The following GTF3C2 variants were observed in gnomAD, a reference collection of about 807,000 sequenced individuals.
GTF3C2 encodes the protein general transcription factor IIIC subunit 2, also known as general transcription factor 3C polypeptide 2.
A neutral mutation model predicts 117.4 loss-of-function variants in GTF3C2; 17 were observed. That is an observed-to-expected ratio of 0.14 (90% CI 0.10 to 0.22). The LOEUF (loss-of-function observed/expected upper bound fraction) is 0.22, where lower values mean the gene tolerates loss of function less well. Ranked by LOEUF, GTF3C2 falls within the 10% of genes least tolerant of loss-of-function variation. The probability of loss-of-function intolerance (pLI) is 1.00; values close to 1 mark genes in which losing one functional copy is unlikely to be tolerated. For synonymous variants in GTF3C2, 437 were observed against 427.0 expected (o/e 1.02, Z -0.29); for missense variants, 888 against 1,143.6 (o/e 0.78, Z 3.22).
At chr2:27,352,919 C>G (rs2148344711) in intron 1 of GTF3C2, among the ~76,000 whole-genome samples, 1 of 152,236 alleles carries the variant, frequency 6.6e-6, no homozygotes, top group Non-Finnish European at 1.5e-5. Flanking sequence ...TAAAATTCCA[C>G]AGTTTTACAA....
intron 4 of GTF3C2, 164 bp from the exon 5 acceptor site, chr2:27,338,184 C>T (rs1261718066): frequency 1.6e-6 from 1 of 614,376 alleles, no homozygotes; most frequent in African/African-American, 1.8e-5. Context: ...ACTATAATGA[C>T]TTCTTCACCT....
intron 10 of GTF3C2, among the ~76,000 whole-genome samples, chr2:27,335,007 A>C (rs1448928731): frequency 6.6e-6 from 1 of 151,910 alleles, no homozygotes; most frequent in Non-Finnish European, 1.5e-5. Context: ...ACCTTCTATT[A>C]CCTCCTCAAC....
chr2:27,335,434 G>A (rs1286743283), intron 10 of GTF3C2, 164 bp downstream of exon 10: 1 of 714,706 alleles, frequency 1.4e-6, no homozygotes, highest in Non-Finnish European at 2.6e-6. Flanking sequence ...AAAAGAGAGA[G>A]GGCTCAAGAA....
chr2:27,342,552 T>G, intron 3 of GTF3C2: 1 of 549,246 alleles, frequency 1.8e-6, no homozygotes, highest in South Asian at 2.4e-5. Flanking sequence ...TATACTGACA[T>G]ATACTGGACA....
At chr2:27,355,319 G>A (rs541001793) in intron 1 of GTF3C2, among the ~76,000 whole-genome samples, 1 of 152,168 alleles carries the variant, frequency 6.6e-6, no homozygotes, top group South Asian at 2.1e-4. Flanking sequence ...TCACAAGTTC[G>A]AGACCAGCCT....
chr2:27,356,274 G>C (rs574486719), intron 1 of GTF3C2: 3 of 410,502 alleles, frequency 7.3e-6, no homozygotes, highest in South Asian at 3.5e-5. Flanking sequence ...GAGCCTCCTC[G>C]AGGAAGAGGC....
At chr2:27,333,554 A>G (rs764308279) in intron 12 of GTF3C2, 101 bp downstream of exon 12, 7 of 694,928 alleles carry the variant, frequency 1.0e-5, no homozygotes, top group African/African-American at 5.4e-5. Flanking sequence ...ATTTCTAACT[A>G]TATGTCCAGT....
chr2:27,341,802 A>G, intron 4 of GTF3C2, 146 bp downstream of exon 4: 1 of 650,824 alleles, frequency 1.5e-6, no homozygotes, highest in East Asian at 2.7e-5. Flanking sequence ...TAATATGCCA[A>G]ATGTTTTGGA....
chr2:27,328,643 C>T lies in GTF3C2; in HGVS notation c.2128-47G>A, dbSNP rs371524776. ...CATTCATTCATATATTCATTCAGAG[C>T]TATGAACTGGTAACAGCTGCACAGT... On this transcript the variant is annotated intron_variant, in intron 15 of 18. Coordinates refer to ENST00000264720, the Ensembl canonical transcript of GTF3C2. 1.1e-5 allele frequency: 17 copies of T among 1,515,714 alleles called. 1 individual carries two copies. The Admixed American group carries it at 1.4e-4, about 12-fold the overall frequency. 93.9% of individuals were successfully genotyped at this position (1,515,714 alleles called of 1,614,324 possible).
chr2:27,346,330 CTTTTTTTTTTTTTTTTTTTT>C (rs144256545), intron 1 of GTF3C2, among the ~76,000 whole-genome samples: 1,530 of 64,326 alleles, frequency 0.024, 35 homozygotes, highest in African/African-American at 0.079. Flanking sequence ...ATTCTGATAC[CTTTTTTTTTTTTTTTTTTTT>C]TTTTTTTTTT....
At chr2:27,353,185 G>C (rs1464031013) in intron 1 of GTF3C2, among the ~76,000 whole-genome samples, 2 of 152,070 alleles carry the variant, frequency 1.3e-5, no homozygotes, top group Non-Finnish European at 2.9e-5. Flanking sequence ...ATGAGGTCAG[G>C]AGATCGAGAC....
chr2:27,329,741 G>A lies in GTF3C2; in HGVS notation c.1733-218C>T, dbSNP rs1680214772. On this transcript the variant is annotated intron_variant, in intron 12 of 18. Transcript: ENST00000264720. The surrounding 1 kb of genome is among the most constrained non-coding windows in gnomAD (Gnocchi z 4.5). ...AATTCTCATCAACAAAAAAGTAATAGCTTTGTCTGGAATCTACAGTTGAAA... is the reference window on the plus strand; with the variant it reads ...AATTCTCATCAACAAAAAAGTAATAACTTTGTCTGGAATCTACAGTTGAAA... Among the ~76,000 whole-genome samples, 1 of 152,136 alleles carries A rather than the reference G, an allele frequency of 6.6e-6. No individual in the cohort carries two copies. Among genetic ancestry groups the A allele is most frequent in the African/African-American group, 2.4e-5 (1 of 41,424 alleles).
intron 12 of GTF3C2, 135 bp downstream of exon 12, chr2:27,333,515 CTATTT>C: frequency 3.3e-6 from 2 of 610,080 alleles, no homozygotes; most frequent in Middle Eastern, 4.6e-4. Context: ...TTATTTCTTT[CTATTT>C]TTTTTTTTTT....
chr2:27,352,982 T>A (rs927382048), intron 1 of GTF3C2, among the ~76,000 whole-genome samples: 3 of 152,248 alleles, frequency 2.0e-5, no homozygotes, highest in African/African-American at 7.2e-5. Flanking sequence ...GGCAGCTTTT[T>A]TGTTTGCAAA....
rs887061817 is a variant in GTF3C2, at chr2:27,342,819, T to C, written c.569+7A>G. The C allele has an allele frequency of 1.2e-6, 2 of 1,608,232 alleles. No individual in the cohort carries two copies. Among genetic ancestry groups the C allele is most frequent in the African/African-American group, 2.7e-5 (2 of 74,748 alleles). On this transcript the variant is annotated splice_region_variant and intron_variant, in intron 3 of 18. Transcript: ENST00000264720. The stretch of plus-strand genomic sequence containing the variant: ...CCCTCCACCAAGCTATGCCCCACAA[T>C]CCTTACACTTGGGCAGCCCTTCGGC...
At chr2:27,342,605 T>C (rs940337329) in intron 3 of GTF3C2, 4 of 572,712 alleles carry the variant, frequency 7.0e-6, no homozygotes, top group East Asian at 2.9e-5. Context: ...AAAAATGGCA[T>C]AGGACATAAA....
At chr2:27,337,966 T>C (rs200324700) in exon 5 of GTF3C2, 46 of 1,611,624 alleles carry the variant, frequency 2.9e-5, no homozygotes, top group Non-Finnish European at 3.7e-5. Flanking sequence ...ACAGGAGCCA[T>C]GATATGATTT....
chr2:27,347,589 T>C (rs1392504169), intron 1 of GTF3C2, among the ~76,000 whole-genome samples: 2 of 152,088 alleles, frequency 1.3e-5, no homozygotes, highest in Admixed American at 6.6e-5. Context: ...AAGAAAAGGA[T>C]AGAAAGATGA....
intron 1 of GTF3C2, among the ~76,000 whole-genome samples, chr2:27,354,196 T>C (rs1681242782): frequency 6.6e-6 from 1 of 151,846 alleles, no homozygotes; most frequent in Admixed American, 6.6e-5. Flanking sequence ...GGCAGGAGGA[T>C]CGCCTGAGCC....
Sources: gnomAD v4.1 joint callset for allele counts (sites outside exome capture counted in the v4.1 genomes callset) on GRCh38, gnomAD v4.1.1 for gene constraint, Gnocchi (gnomAD v3.1) non-coding constraint, MANE v1.5 for transcripts, NCBI Gene and HGNC (gene_info 2026-07-23, HGNC 2026-07-21) for gene names.